The following CDK17 variants were observed in gnomAD, a reference collection of about 807,000 sequenced individuals.
CDK17 encodes cyclin dependent kinase 17.
Under a neutral mutation model 77.6 loss-of-function variants are expected in CDK17, and 24 were observed. The observed-to-expected ratio is 0.31, with a 90% confidence interval of 0.22 to 0.44. CDK17 has a LOEUF of 0.44. Ranked by LOEUF, CDK17 falls within the 20% of genes least tolerant of loss-of-function variation. CDK17 has a pLI of 1.00. For missense variants in CDK17, 429 were observed against 622.5 expected, an observed-to-expected ratio of 0.69 and a Z score of 3.31; for synonymous variants, 203 against 210.4, an observed-to-expected ratio of 0.96 and a Z score of 0.30.
intron 1 of CDK17, among the ~76,000 whole-genome samples, chr12:96,393,982 TCA>T (rs1954120802): frequency 6.6e-6 from 1 of 152,112 alleles, no homozygotes; most frequent in Non-Finnish European, 1.5e-5. Flanking sequence ...GTGCAGTGGC[TCA>T]CACCTGTAAT....
intron 13 of CDK17, 30 bp downstream of exon 13, chr12:96,286,013 T>C (rs1952241021): frequency 9.4e-7 from 1 of 1,065,066 alleles, no homozygotes; most frequent in South Asian, 1.3e-5. Context: ...TCATGTGTTT[T>C]CCCCCCTTTC....
intron 1 of CDK17, chr12:96,399,120 G>A (rs1954217185): frequency 6.6e-6 from 1 of 152,308 alleles, no homozygotes; most frequent in Non-Finnish European, 1.5e-5. Context: ...AAAAGTAGGG[G>A]GAGAACGAGG....
intron 1 of CDK17, among the ~76,000 whole-genome samples, chr12:96,390,093 G>A (rs368978643): frequency 6.6e-6 from 1 of 151,466 alleles, no homozygotes; most frequent in South Asian, 2.1e-4. Context: ...CTCCCAAAGT[G>A]CTGGGATTAC....
intron 1 of CDK17, among the ~76,000 whole-genome samples, chr12:96,393,860 A>C (rs1028052518): frequency 6.6e-6 from 1 of 152,218 alleles, no homozygotes; most frequent in Non-Finnish European, 1.5e-5. Context: ...TGTTTATTCT[A>C]AAATAATACT....
At chr12:96,306,337 C>A (rs866283207) in intron 5 of CDK17, among the ~76,000 whole-genome samples, 9 of 151,406 alleles carry the variant, frequency 5.9e-5, no homozygotes, top group Non-Finnish European at 1.0e-4. Context: ...GAGGCCAAAG[C>A]GGGAGGACTG....
At chr12:96,295,890 T>G (rs569264148) in intron 9 of CDK17, among the ~76,000 whole-genome samples, 1 of 152,252 alleles carries the variant, frequency 6.6e-6, no homozygotes, top group South Asian at 2.1e-4. Flanking sequence ...TTTGATTCTC[T>G]GGGGTTAACA....
At chr12:96,297,367 C>T in intron 8 of CDK17, 35 bp from the exon 9 acceptor site, 1 of 1,387,974 alleles carries the variant, frequency 7.2e-7, no homozygotes, top group Non-Finnish European at 1.0e-6. Flanking sequence ...TGTGATACAC[C>T]ATTTTCAGAA....
chr12:96,370,792 T>C (rs1953678147), intron 1 of CDK17, among the ~76,000 whole-genome samples: 1 of 152,194 alleles, frequency 6.6e-6, no homozygotes, highest in Non-Finnish European at 1.5e-5. Flanking sequence ...TCTCATATTT[T>C]TGAAAATAGT....
At chr12:96,311,787 A>T (rs1952648612) in intron 4 of CDK17, among the ~76,000 whole-genome samples, 1 of 152,038 alleles carries the variant, frequency 6.6e-6, no homozygotes, top group Non-Finnish European at 1.5e-5. Flanking sequence ...AGACTTAAGT[A>T]TAAAAACATA....
chr12:96,316,387 C>G (rs1352649821), intron 3 of CDK17, among the ~76,000 whole-genome samples: 1 of 149,786 alleles, frequency 6.7e-6, no homozygotes, highest in Non-Finnish European at 1.5e-5. Context: ...GGAGGGGCGC[C>G]CGCCATTGCC....
Position 96,302,617 on chromosome 12 carries a change from C to T in CDK17, c.544-2257G>A, listed in dbSNP as rs532747214. Among the ~76,000 whole-genome samples the T allele has an allele frequency of 5.9e-5, 9 of 152,114 alleles. No homozygotes were observed. In the East Asian group the frequency reaches 1.2e-3, roughly 20 times the overall value. The stretch of plus-strand genomic sequence containing the variant: ...TGTCATTATAACAATGAGAAGCACA[C>T]GGGAAATAAGACTGTAAGCTAGGCA... On this transcript the variant is annotated intron_variant, in intron 5 of 16. Transcript: ENST00000261211.
At chr12:96,383,901 A>G (rs956450589) in intron 1 of CDK17, among the ~76,000 whole-genome samples, 2 of 152,216 alleles carry the variant, frequency 1.3e-5, no homozygotes, top group Non-Finnish European at 2.9e-5. Flanking sequence ...GAAAACAAAA[A>G]TTGACAAGCA....
At chr12:96,308,751 A>ATAATAATAATAATAATAATAATAATAG (rs1555200770) in intron 5 of CDK17, among the ~76,000 whole-genome samples, 1 of 147,734 alleles carries the variant, frequency 6.8e-6, no homozygotes, top group African/African-American at 2.5e-5. Context: ...AATAATAATA[A>ATAATAATAATAATAATAATAATAATAG]TAATAATAAT....
intron 5 of CDK17, among the ~76,000 whole-genome samples, chr12:96,308,731 A>AATAATAATAAT (rs1952608712): frequency 2.3e-5 from 3 of 132,572 alleles, no homozygotes; most frequent in East Asian, 2.2e-4. Context: ...CCGTCTCCAA[A>AATAATAATAAT]AATAATAATA....
chr12:96,302,470 G>A (rs536938040), intron 5 of CDK17, among the ~76,000 whole-genome samples: 24 of 152,120 alleles, frequency 1.6e-4, no homozygotes, highest in Non-Finnish European at 2.8e-4. Flanking sequence ...TGGAACTACC[G>A]CATTTTTGCC....
intron 3 of CDK17, among the ~76,000 whole-genome samples, chr12:96,316,742 G>C (rs970371655): frequency 1.6e-4 from 20 of 125,936 alleles, no homozygotes; most frequent in Non-Finnish European, 2.9e-4. Flanking sequence ...CTGCAGCTGA[G>C]GGTCCTGTCT....
intron 5 of CDK17, among the ~76,000 whole-genome samples, chr12:96,301,241 C>CAAAAAA (rs376295045): frequency 4.6e-4 from 39 of 85,466 alleles, no homozygotes; most frequent in South Asian, 9.1e-4. Context: ...AACACTCGGC[C>CAAAAAA]AAAAAAAAAA....
chr12:96,336,322 G>A (rs1029765325), intron 1 of CDK17, among the ~76,000 whole-genome samples: 2 of 152,036 alleles, frequency 1.3e-5, no homozygotes, highest in East Asian at 3.9e-4. Context: ...AAATTAGCCA[G>A]GCATGGTGGC....
chr12:96,301,006 T>C (rs1268790454), intron 5 of CDK17, among the ~76,000 whole-genome samples: 2 of 152,196 alleles, frequency 1.3e-5, no homozygotes, highest in Admixed American at 6.5e-5. Flanking sequence ...TACTTGGGAT[T>C]TTCTTTTTAA....
Sources: gnomAD v4.1 joint callset for allele counts (sites outside exome capture counted in the v4.1 genomes callset) on GRCh38, gnomAD v4.1.1 for gene constraint, MANE v1.5 for transcripts, NCBI Gene and HGNC (gene_info 2026-07-23, HGNC 2026-07-21) for gene names.